Variants in RYR3 observed in about 807,000 individuals in gnomAD.
The protein encoded by RYR3 is brain ryanodine receptor-calcium release channel.
RYR3 carries 207 observed loss-of-function variants against 584.3 expected under a neutral mutation model. The observed-to-expected ratio is 0.35, with a 90% CI of 0.32 to 0.40. RYR3 has a LOEUF of 0.40. Among genes scored for constraint, RYR3 ranks in the 10% least tolerant of loss-of-function variants. The pLI, the probability that RYR3 is intolerant of heterozygous loss-of-function variation, is 1.00. For missense variants in RYR3, 5,616 were observed against 6,089.2 expected, an observed-to-expected ratio of 0.92 and a Z score of 2.59; for synonymous variants, 2,416 against 2,248.5, an observed-to-expected ratio of 1.07 and a Z score of -2.11.
chr15:33,318,769 G>A (rs1968546483), intron 1 of RYR3, among the ~76,000 whole-genome samples: 1 of 152,300 alleles, frequency 6.6e-6, no homozygotes, highest in Non-Finnish European at 1.5e-5. Context: ...TACATACTTT[G>A]TTTTAAATAA....
rs1289000769 is a variant in RYR3, at chr15:33,660,325, G to A, written c.4524G>A (p.Leu1508=). The A allele has an allele frequency of 5.7e-6, 9 of 1,590,624 alleles. No individual in the cohort carries two copies. Among genetic ancestry groups the A allele is most frequent in the South Asian group, 1.2e-5 (1 of 86,708 alleles). The change falls in exon 34 of 104, where the codon CTG becomes CTA. Residue 1508 remains leucine, a synonymous_variant. Coordinates refer to ENST00000634891, the MANE Select transcript of RYR3 (RefSeq NM_001036.6). ...VLWSRMPNSF[L]KVETERVSER... is the part of the protein sequence containing the mutation. ...GGAGCCGCATGCCCAACAGCTTCCT[G>A]AAGGTGGAGACCGAGCGTGTGAGCG...
chr15:33,659,213 A>G lies in RYR3; in HGVS notation c.4309-507A>G, dbSNP rs1442652357. 2.6e-5 allele frequency among the ~76,000 whole-genome samples: 4 copies of G among 152,228 alleles called. No homozygotes were observed. The East Asian group carries it at 7.7e-4, about 29-fold the overall frequency. ...CCTGGCCTGAAATGTCGGCAGTGCC[A>G]AGGTTGAGAAACCCTACCATGGGAT... On this transcript the variant is annotated intron_variant, in intron 32 of 103. Transcript: ENST00000634891.
intron 1 of RYR3, among the ~76,000 whole-genome samples, chr15:33,322,299 C>T (rs540039573): frequency 7.2e-5 from 11 of 152,246 alleles, no homozygotes; most frequent in East Asian, 5.8e-4. Flanking sequence ...AGGAGCTTTT[C>T]GGCATAGTGA....
At chr15:33,621,577 C>A (rs772512970) in intron 19 of RYR3, among the ~76,000 whole-genome samples, 1 of 152,080 alleles carries the variant, frequency 6.6e-6, no homozygotes, top group East Asian at 1.9e-4. Context: ...TAGATTGTGT[C>A]CTATTACATA....
intron 2 of RYR3, among the ~76,000 whole-genome samples, chr15:33,490,459 T>C (rs1567356220): frequency 6.6e-6 from 1 of 152,176 alleles, no homozygotes; most frequent in Non-Finnish European, 1.5e-5. Context: ...GAATATCATC[T>C]CTTTGGGGTG....
intron 3 of RYR3, among the ~76,000 whole-genome samples, chr15:33,522,309 C>T (rs2054060848): frequency 6.6e-6 from 1 of 152,132 alleles, no homozygotes; most frequent in Middle Eastern, 3.4e-3. Flanking sequence ...TCACTTTTCT[C>T]TCAAGATGCC....
chr15:33,761,908 A>G (rs928868203), intron 60 of RYR3, among the ~76,000 whole-genome samples: 4 of 152,248 alleles, frequency 2.6e-5, no homozygotes, highest in Middle Eastern at 3.4e-3. Context: ...AGCTTATCCA[A>G]CACAATCAAG....
At position 33,635,625 on chromosome 15, in the gene RYR3, G is replaced by C. The variant is rs772304705; in HGVS notation, c.3187G>C (p.Val1063Leu). The C allele has an allele frequency of 8.7e-6, 14 of 1,613,618 alleles. No individual in the cohort carries two copies. Among genetic ancestry groups the C allele is most frequent in the Non-Finnish European group, 1.2e-5 (14 of 1,179,670 alleles). The change falls in exon 26 of 104, where the codon GTG becomes CTG. Residue 1063 changes from valine to leucine, a missense_variant. Val to Leu is a conservative substitution (Grantham distance 32). Around this residue, in one of 9 missense-constraint regions of RYR3, gnomAD observed 1,284 missense variants for 1,344.6 expected, o/e 0.95. Coordinates refer to ENST00000634891, the MANE Select transcript of RYR3 (RefSeq NM_001036.6). The stretch of plus-strand genomic sequence containing the variant: ...TCTTCTCACAATAGCTGACTCGGCT[G>C]TGGAGAAGGTCAGCATAGACAAGAT... ...PSDQELADSA[V>L]EKVSIDKIRF...
chr15:33,853,702 TC>T lies in RYR3; in HGVS notation c.13799+21del, dbSNP rs2079342887. The T allele has an allele frequency of 6.2e-7, 1 of 1,608,448 alleles. No individual in the cohort carries two copies. The highest frequency in any genetic ancestry group is 1.7e-5 in the Admixed American group (1 of 58,784). On this transcript the variant is annotated intron_variant, in intron 96 of 103. Coordinates refer to ENST00000634891, the MANE Select transcript of RYR3 (RefSeq NM_001036.6). ...GTCATGGTACAAAAAGCTTAGGAGT[TC>T]AAATCCAAAGCAGCTAAAATAGATA...
At chr15:33,613,465 G>A in intron 19 of RYR3, 90 bp downstream of exon 19, 1 of 1,318,680 alleles carries the variant, frequency 7.6e-7, no homozygotes, top group South Asian at 1.5e-5. Flanking sequence ...TCTCCTTCAG[G>A]GCTTCAGTAC....
chr15:33,473,473 T>C lies in RYR3; in HGVS notation c.106T>C (p.Phe36Leu). Residue 36 changes from phenylalanine (F) to leucine (L), a missense_variant, in exon 2 of 104, where the codon TTC becomes CTC. Around this residue, in one of 9 missense-constraint regions of RYR3, gnomAD observed 1,284 missense variants for 1,344.6 expected, o/e 0.95. Transcript: ENST00000634891. ...CACCATTCATAAGGAGCAGAGGAAG[T>C]TCTGCCTGGCAGCCGAGGGACTTGG... ...IATIHKEQRK[F>L]CLAAEGLGNR... 1 of 1,613,892 alleles carries C rather than the reference T, an allele frequency of 6.2e-7. No individual in the cohort carries two copies. Among genetic ancestry groups the C allele is most frequent in the Middle Eastern group, 1.6e-4 (1 of 6,062 alleles).
intron 1 of RYR3, among the ~76,000 whole-genome samples, chr15:33,465,458 AT>A (rs374429144): frequency 6.6e-6 from 1 of 152,216 alleles, no homozygotes; most frequent in African/African-American, 2.4e-5. Context: ...CCTTTTTTCC[AT>A]ATGCTCACCA....
intron 19 of RYR3, among the ~76,000 whole-genome samples, chr15:33,615,335 T>C (rs1349438704): frequency 6.6e-6 from 1 of 152,198 alleles, no homozygotes; most frequent in Non-Finnish European, 1.5e-5. Context: ...CTCAGGTGGA[T>C]TGGTAAACCA....
intron 67 of RYR3, among the ~76,000 whole-genome samples, chr15:33,798,753 C>T (rs1312671764): frequency 6.6e-6 from 1 of 152,172 alleles, no homozygotes; most frequent in Admixed American, 6.5e-5. Context: ...CCAGTAATGT[C>T]AGCTATATGA....
chr15:33,398,221 A>G (rs1245980324), intron 1 of RYR3, among the ~76,000 whole-genome samples: 1 of 152,226 alleles, frequency 6.6e-6, no homozygotes, highest in Admixed American at 6.5e-5. Context: ...TCAGAGTTGC[A>G]AAGATCGTGT....
Position 33,584,488 on chromosome 15 carries a change from C to T in RYR3, c.1667C>T (p.Ser556Leu), listed in dbSNP as rs1162481981. The T allele has an allele frequency of 2.0e-6, 3 of 1,472,016 alleles. No homozygotes were observed. Among genetic ancestry groups the T allele is most frequent in the Non-Finnish European group, 2.8e-6 (3 of 1,056,978 alleles). The allele number at this position is 1,472,016 out of a possible 1,614,324, so 91.2% of individuals were successfully genotyped here. Reference sequence around the variant, plus strand: ...AAATTGGACAGACTAGAATCTTCCTCAGGTGAGAATTGACAGGAAACTATA... The same window carrying T: ...AAATTGGACAGACTAGAATCTTCCTTAGGTGAGAATTGACAGGAAACTATA... ...ISKLDRLESS[S>L]GILEVLHCIL... The change falls in exon 15 of 104, where the codon TCA (serine) becomes TTA (leucine). Residue 556 changes from serine to leucine, a missense_variant and splice_region_variant. Ser to Leu is a moderately radical substitution (Grantham distance 145, BLOSUM62 -2). Coordinates refer to ENST00000634891, the MANE Select transcript of RYR3 (RefSeq NM_001036.6).
At chr15:33,840,929 A>G (rs3764232) in intron 90 of RYR3, 46 bp downstream of exon 90, 869,450 of 1,575,220 alleles carry the variant, frequency 0.55, 243,116 homozygotes, top group African/African-American at 0.75. Flanking sequence ...ATGGTAGATA[A>G]TTCTTAGGCC....
chr15:33,801,308 A>G (rs1385331464), intron 68 of RYR3, among the ~76,000 whole-genome samples: 1 of 152,216 alleles, frequency 6.6e-6, no homozygotes, highest in African/African-American at 2.4e-5. Flanking sequence ...TATTATGCAG[A>G]TGAAGTCTCA....
At chr15:33,387,696 T>A (rs527391263) in intron 1 of RYR3, among the ~76,000 whole-genome samples, 6 of 151,676 alleles carry the variant, frequency 4.0e-5, no homozygotes, top group Non-Finnish European at 8.8e-5. Flanking sequence ...GAGATTGGAT[T>A]TTTTTTCTTA....
Sources: allele counts gnomAD v4.1 joint callset (sites outside exome capture counted in the v4.1 genomes callset), GRCh38; gene constraint gnomAD v4.1.1; regional missense constraint gnomAD v4.1.1; transcripts MANE v1.5; gene names NCBI Gene and HGNC (gene_info 2026-07-23, HGNC 2026-07-21).